KCND2: variants seen among roughly 807,000 people sequenced by gnomAD.
KCND2 encodes the protein potassium voltage-gated channel subfamily D member 2, also known as A-type voltage-gated potassium channel KCND2.
KCND2 carries 16 observed loss-of-function variants against 54.4 expected under a neutral mutation model. That is an observed-to-expected ratio of 0.29 (90% CI 0.20 to 0.45). KCND2 has a LOEUF of 0.45. Among genes scored for constraint, KCND2 ranks in the 20% least tolerant of loss-of-function variants. KCND2 has a pLI of 1.00. For synonymous variants in KCND2, 317 were observed against 310.7 expected, an observed-to-expected ratio of 1.02 and a Z score of -0.21; for missense variants, 486 against 824.2, an observed-to-expected ratio of 0.59 and a Z score of 5.02.
chr7:120,381,783 A>T (rs1037036782), intron 1 of KCND2, among the ~76,000 whole-genome samples: 4 of 152,220 alleles, frequency 2.6e-5, no homozygotes, highest in African/African-American at 9.6e-5. Context: ...GTTTGGTTTG[A>T]TTGAATATTT....
At chr7:120,360,885 TG>T (rs1800583434) in intron 1 of KCND2, among the ~76,000 whole-genome samples, 1 of 152,190 alleles carries the variant, frequency 6.6e-6, no homozygotes, top group Non-Finnish European at 1.5e-5. Flanking sequence ...ATATCATTTT[TG>T]TTTTTCTTTT....
intron 1 of KCND2, among the ~76,000 whole-genome samples, chr7:120,726,342 A>G (rs1375614939): frequency 2.0e-5 from 3 of 152,188 alleles, no homozygotes; most frequent in Non-Finnish European, 4.4e-5. Flanking sequence ...AAAAAAGGTC[A>G]TTTGCTATTT....
At chr7:120,378,413 C>CA (rs1286146309) in intron 1 of KCND2, among the ~76,000 whole-genome samples, 1 of 151,938 alleles carries the variant, frequency 6.6e-6, no homozygotes, top group East Asian at 1.9e-4. Context: ...TGATTAAACT[C>CA]ACCCAAACTC....
At chr7:120,602,312 C>A (rs1792823633) in intron 1 of KCND2, among the ~76,000 whole-genome samples, 1 of 152,126 alleles carries the variant, frequency 6.6e-6, no homozygotes, top group Admixed American at 6.5e-5. Context: ...TCTGTTACCT[C>A]TGTTTTTTCC....
chr7:120,659,534 A>G (rs566739389), intron 1 of KCND2, among the ~76,000 whole-genome samples: 2 of 152,336 alleles, frequency 1.3e-5, no homozygotes, highest in South Asian at 2.1e-4. Context: ...TGGCAAATGC[A>G]TGGTTACCTC....
At chr7:120,627,260 C>T (rs1793175348) in intron 1 of KCND2, among the ~76,000 whole-genome samples, 1 of 151,930 alleles carries the variant, frequency 6.6e-6, no homozygotes. Context: ...AAGAGAAAGG[C>T]AAATAAACAT....
rs143590028 is a variant in KCND2 at position 120,275,316 on chromosome 7, C to T, written c.684C>T (p.Ala228=). The change falls in exon 1 of 6, where the codon GCC becomes GCT. Residue 228 remains alanine, a synonymous_variant. Coordinates refer to ENST00000331113, the MANE Select transcript of KCND2 (RefSeq NM_012281.3). ...CCTGTGGAGAGCGGTATGCTGTGGC[C>T]TTCTTCTGCTTGGACACGGCCTGCG... ...ELPCGERYAV[A]FFCLDTACVM... is the part of the protein sequence containing the mutation. 2 of 1,613,626 alleles carry T rather than the reference C, an allele frequency of 1.2e-6. No individual in the cohort carries two copies. The highest frequency in any genetic ancestry group is 1.7e-6 in the Non-Finnish European group (2 of 1,179,944).
chr7:120,517,937 A>G (rs1803219577), intron 1 of KCND2, among the ~76,000 whole-genome samples: 1 of 151,982 alleles, frequency 6.6e-6, no homozygotes, highest in African/African-American at 2.4e-5. Flanking sequence ...ATAAGCATGC[A>G]TTTTCTTCTC....
chr7:120,416,237 C>T (rs1451709983), intron 1 of KCND2, among the ~76,000 whole-genome samples: 1 of 152,180 alleles, frequency 6.6e-6, no homozygotes, highest in Non-Finnish European at 1.5e-5. Flanking sequence ...TTCTGCCCCA[C>T]TTCGTTCTCC....
intron 2 of KCND2, among the ~76,000 whole-genome samples, chr7:120,738,401 A>T (rs1258205926): frequency 6.6e-6 from 1 of 152,086 alleles, no homozygotes; most frequent in Non-Finnish European, 1.5e-5. Flanking sequence ...AGATGATTGG[A>T]CAAAAGCTGC....
intron 1 of KCND2, among the ~76,000 whole-genome samples, chr7:120,410,486 T>C (rs1801432856): frequency 6.6e-6 from 1 of 151,984 alleles, no homozygotes; most frequent in Admixed American, 6.6e-5. Context: ...AGTATCTTCA[T>C]AATAGTGTGT....
At chr7:120,746,931 T>C (rs1793014657) in intron 5 of KCND2, 1 of 152,130 alleles carries the variant, frequency 6.6e-6, no homozygotes, top group Non-Finnish European at 1.5e-5. Context: ...TTAGGAGCCA[T>C]AAGACTTCTA....
At chr7:120,584,845 G>C (rs1224927130) in intron 1 of KCND2, among the ~76,000 whole-genome samples, 1 of 152,280 alleles carries the variant, frequency 6.6e-6, no homozygotes, top group East Asian at 1.9e-4. Flanking sequence ...CAATTGTATT[G>C]GGTTTGTAAA....
intron 1 of KCND2, among the ~76,000 whole-genome samples, chr7:120,538,981 A>G (rs570348085): frequency 1.1e-4 from 17 of 152,328 alleles, no homozygotes; most frequent in African/African-American, 4.1e-4. Context: ...GTCCTGCTCA[A>G]TGCAAGGCTG....
intron 1 of KCND2, among the ~76,000 whole-genome samples, chr7:120,611,980 T>G (rs866693493): frequency 6.6e-6 from 1 of 152,340 alleles, no homozygotes; most frequent in African/African-American, 2.4e-5. Flanking sequence ...TTAAGCACAA[T>G]CATTCTGGGT....
chr7:120,649,810 GGT>G (rs1791702883), intron 1 of KCND2, among the ~76,000 whole-genome samples: 1 of 152,122 alleles, frequency 6.6e-6, no homozygotes, highest in Non-Finnish European at 1.5e-5. Context: ...GGGCAGGCCT[GGT>G]GGTGACAAAA....
intron 1 of KCND2, among the ~76,000 whole-genome samples, chr7:120,313,990 G>T (rs1395423121): frequency 6.7e-6 from 1 of 150,324 alleles, no homozygotes; most frequent in African/African-American, 2.4e-5. Flanking sequence ...GCTTCTACTT[G>T]CTTCAAAAAG....
At chr7:120,511,221 G>A (rs982751589) in intron 1 of KCND2, among the ~76,000 whole-genome samples, 3 of 151,740 alleles carry the variant, frequency 2.0e-5, no homozygotes, top group Admixed American at 6.6e-5. Flanking sequence ...TCAAAACATC[G>A]TCTTATCAAG....
chr7:120,290,216 A>G (rs2116274326), intron 1 of KCND2, among the ~76,000 whole-genome samples: 1 of 152,148 alleles, frequency 6.6e-6, no homozygotes, highest in Non-Finnish European at 1.5e-5. Flanking sequence ...TCAATTTTAG[A>G]AATTTATATC....
Sources: allele counts gnomAD v4.1 joint callset (sites outside exome capture counted in the v4.1 genomes callset), GRCh38; gene constraint gnomAD v4.1.1; transcripts MANE v1.5; gene names NCBI Gene and HGNC (gene_info 2026-07-23, HGNC 2026-07-21).